Variants in NPLOC4 observed in about 807,000 individuals in gnomAD.
The protein encoded by NPLOC4 is NPL4 homolog, ubiquitin recognition factor, also known as nuclear protein localization protein 4 homolog.
A neutral mutation model predicts 80.6 loss-of-function variants in NPLOC4; 18 were observed. That is an observed-to-expected ratio of 0.22 (90% confidence interval 0.15 to 0.33). The LOEUF (loss-of-function observed/expected upper bound fraction) is 0.33. Among genes scored for constraint, NPLOC4 ranks in the 10% least tolerant of loss-of-function variants. The pLI is 1.00. For missense variants in NPLOC4, 540 were observed against 786.1 expected, an observed-to-expected ratio of 0.69 and a Z score of 3.74; for synonymous variants, 313 against 301.5, an observed-to-expected ratio of 1.04 and a Z score of -0.39.
chr17:81,635,417 T>C (rs1056049582), intron 1 of NPLOC4, among the ~76,000 whole-genome samples: 37 of 150,968 alleles, frequency 2.5e-4, no homozygotes, highest in African/African-American at 8.0e-4. Flanking sequence ...CATATATTCA[T>C]TCCACTCATC....
chr17:81,620,854 T>A lies in NPLOC4; in HGVS notation c.209+1312A>T, dbSNP rs181271558. ...CGTGTTCCAGATTTAAACTTTTTTT[T>A]AAAAAATTACCAGCTAGATTTGATT... On this transcript the variant is annotated intron_variant, in intron 3 of 16. Coordinates refer to ENST00000331134, the MANE Select transcript of NPLOC4 (RefSeq NM_017921.4). Among the ~76,000 whole-genome samples, 1,246 of 152,018 alleles carry A rather than the reference T, an allele frequency of 8.2e-3. 15 individuals are homozygous for A. Among genetic ancestry groups the A allele is most frequent in the African/African-American group, 0.022 (905 of 41,464 alleles).
chr17:81,622,030 CAT>C, intron 3 of NPLOC4, 134 bp downstream of exon 3: 1 of 651,944 alleles, frequency 1.5e-6, no homozygotes, highest in Non-Finnish European at 2.7e-6. Flanking sequence ...GCAACACGGT[CAT>C]GTGTATTCTG....
intron 11 of NPLOC4, among the ~76,000 whole-genome samples, chr17:81,595,036 TTTTC>T (rs754982632): frequency 1.4e-4 from 21 of 152,092 alleles, no homozygotes; most frequent in Non-Finnish European, 2.2e-4. Flanking sequence ...GCTTGAACAC[TTTTC>T]TTTCTTTTTT....
intron 12 of NPLOC4, among the ~76,000 whole-genome samples, chr17:81,574,582 C>T (rs1311839377): frequency 3.9e-5 from 6 of 152,188 alleles, no homozygotes; most frequent in Non-Finnish European, 8.8e-5. Flanking sequence ...TTTATCTCCA[C>T]CTGGAGCGAG....
intron 8 of NPLOC4, among the ~76,000 whole-genome samples, chr17:81,601,261 T>C (rs776384299): frequency 6.6e-6 from 1 of 152,182 alleles, no homozygotes. Context: ...TGTAAATTAG[T>C]GAAAATCTGG....
chr17:81,630,312 C>T lies in NPLOC4; in HGVS notation c.16-507G>A, dbSNP rs1397514079. On this transcript the variant is annotated intron_variant, in intron 1 of 16. Coordinates refer to ENST00000331134, the MANE Select transcript of NPLOC4 (RefSeq NM_017921.4). ...TTACTTTTTTTTTGCTTTTTTGAGA[C>T]AGGGTCTTGCTGTCACCCAGGCTGG... is the stretch of plus-strand genomic sequence containing the variant. Among the ~76,000 whole-genome samples the T allele has an allele frequency of 8.6e-5, 13 of 151,652 alleles. No homozygotes were observed. In the East Asian group the frequency reaches 2.3e-3, roughly 27 times the overall value.
At chr17:81,635,270 C>T (rs1284718925) in intron 1 of NPLOC4, among the ~76,000 whole-genome samples, 1 of 147,578 alleles carries the variant, frequency 6.8e-6, no homozygotes, top group African/African-American at 2.5e-5. Context: ...ACCCGAGAGG[C>T]GGAGGTTGCA....
chr17:81,591,825 C>T (rs1355501417), intron 11 of NPLOC4, among the ~76,000 whole-genome samples: 2 of 152,232 alleles, frequency 1.3e-5, no homozygotes, highest in East Asian at 3.8e-4. Context: ...GACAGCAAAA[C>T]TTCAGCTGCT....
At chr17:81,602,486 C>T (rs1255731333) in intron 8 of NPLOC4, among the ~76,000 whole-genome samples, 1 of 151,768 alleles carries the variant, frequency 6.6e-6, no homozygotes, top group East Asian at 1.9e-4. Flanking sequence ...GGGTGGATCA[C>T]GAGGTCAGGA....
intron 11 of NPLOC4, 25 bp from the exon 12 acceptor site, chr17:81,589,129 G>A: frequency 1.9e-6 from 3 of 1,602,440 alleles, no homozygotes; most frequent in Non-Finnish European, 2.6e-6. Context: ...CCTTTAAAAA[G>A]AGTCTACCAA....
chr17:81,627,608 G>A (rs1038769669), intron 2 of NPLOC4, among the ~76,000 whole-genome samples: 31 of 151,962 alleles, frequency 2.0e-4, no homozygotes, highest in African/African-American at 7.3e-4. Context: ...ACTTGGTGGC[G>A]TATGCCTGTA....
At chr17:81,631,971 C>CT (rs1291538766) in intron 1 of NPLOC4, among the ~76,000 whole-genome samples, 3 of 150,898 alleles carry the variant, frequency 2.0e-5, no homozygotes, top group African/African-American at 7.3e-5. Flanking sequence ...AGCTAATTTT[C>CT]TTTTTTTTGA....
rs869281063 is a variant in NPLOC4 at position 81,594,274 on chromosome 17, C to CAAAAAAAAAA, written c.1120+1832_1120+1841dup. ...TGGGCGAAAGAGCGAGACTCCGTCT[C>CAAAAAAAAAA]AAAAAAAAAAAAAAAAAAAAAAAAA... On this transcript the variant is annotated intron_variant, in intron 11 of 16. Transcript: ENST00000331134. Among the ~76,000 whole-genome samples, 30 of 53,656 alleles carry CAAAAAAAAAA rather than the reference C, an allele frequency of 5.6e-4. 1 individual carries two copies. Among genetic ancestry groups the CAAAAAAAAAA allele is most frequent in the South Asian group, 1.0e-3 (1 of 988 alleles). 35.2% of individuals were successfully genotyped at this position (53,656 alleles called of 152,430 possible).
At chr17:81,578,062 C>G (rs913141524) in intron 12 of NPLOC4, among the ~76,000 whole-genome samples, 12 of 152,200 alleles carry the variant, frequency 7.9e-5, no homozygotes, top group African/African-American at 2.9e-4. Flanking sequence ...AACTTGCTGC[C>G]TTCTCCTGAC....
intron 3 of NPLOC4, among the ~76,000 whole-genome samples, chr17:81,617,830 C>T (rs1194569816): frequency 2.6e-5 from 4 of 152,192 alleles, no homozygotes; most frequent in Non-Finnish European, 4.4e-5. Flanking sequence ...GACTGGTTTT[C>T]GTATTTTTTT....
At chr17:81,581,002 C>T (rs2034423807) in intron 12 of NPLOC4, among the ~76,000 whole-genome samples, 2 of 152,112 alleles carry the variant, frequency 1.3e-5, no homozygotes, top group South Asian at 2.1e-4. Flanking sequence ...CACCCGTGGG[C>T]TTATGCCCGT....
chr17:81,576,999 A>G (rs78551747), intron 12 of NPLOC4, among the ~76,000 whole-genome samples: 171 of 152,320 alleles, frequency 1.1e-3, no homozygotes, highest in Middle Eastern at 0.01. Context: ...ATTCATCCCA[A>G]GTAATTTAAA....
intron 12 of NPLOC4, among the ~76,000 whole-genome samples, chr17:81,588,351 G>T (rs1398790863): frequency 1.3e-5 from 2 of 152,082 alleles, no homozygotes; most frequent in East Asian, 3.8e-4. Context: ...CATCTCCCAC[G>T]GTCTTCTCAT....
rs1226109030 is a variant in NPLOC4, at chr17:81,559,747, T to C, written c.1670-331A>G. Among the ~76,000 whole-genome samples, 16 of 148,380 alleles carry C rather than the reference T, an allele frequency of 1.1e-4. No homozygotes were observed. The East Asian group carries it at 3.2e-3, about 29-fold the overall frequency. ...TCCAGCTTTTTTTTTTTTTTTTTTT[T>C]TCTGAGGTAGGGTCTTGCTCTGTCA... On this transcript the variant is annotated intron_variant, in intron 16 of 16. Transcript: ENST00000331134.
Sources: allele counts gnomAD v4.1 joint callset (sites outside exome capture counted in the v4.1 genomes callset), GRCh38; gene constraint gnomAD v4.1.1; transcripts MANE v1.5; gene names NCBI Gene and HGNC (gene_info 2026-07-23, HGNC 2026-07-21).